The following EPM2A variants were observed in gnomAD, a reference collection of about 807,000 sequenced individuals.
EPM2A encodes EPM2A glucan phosphatase, laforin.
In EPM2A, 21 loss-of-function variants were observed where a neutral mutation model predicts 26.5. The ratio of observed to expected loss-of-function variants is 0.79; its 90% CI spans 0.56 to 1.14. The LOEUF is 1.14. Among genes scored for constraint, EPM2A ranks in the 50% most tolerant of loss-of-function variants. The pLI, the probability that EPM2A is intolerant of heterozygous loss-of-function variation, is 0.00. For synonymous variants in EPM2A, 217 were observed against 177.6 expected (o/e 1.22, Z -1.76); for missense variants, 458 against 440.8 (o/e 1.04, Z -0.35).
chr6:145,447,823 C>G (rs1779145720), intron 4 of EPM2A, among the ~76,000 whole-genome samples: 1 of 151,898 alleles, frequency 6.6e-6, no homozygotes, highest in African/African-American at 2.4e-5. Flanking sequence ...AATAATTATT[C>G]AATGAATATA....
intron 2 of EPM2A, among the ~76,000 whole-genome samples, chr6:145,644,909 T>C (rs1777349901): frequency 6.6e-6 from 1 of 152,202 alleles, no homozygotes; most frequent in African/African-American, 2.4e-5. Context: ...CAGTAATACT[T>C]GATCTATTTA....
intron 1 of EPM2A, among the ~76,000 whole-genome samples, chr6:145,723,830 C>A (rs758594481): frequency 2.0e-5 from 3 of 152,016 alleles, no homozygotes; most frequent in Non-Finnish European, 4.4e-5. Context: ...GCTATGCAGA[C>A]AAAGAAGTCC....
intron 4 of EPM2A, among the ~76,000 whole-genome samples, chr6:145,461,514 A>G (rs767660082): frequency 1.1e-4 from 16 of 152,156 alleles, no homozygotes; most frequent in Admixed American, 2.0e-4. Context: ...CATACATAAT[A>G]TCTCTGTAAG....
At chr6:145,635,162 A>T in intron 3 of EPM2A, 83 bp downstream of exon 3, 2 of 1,469,664 alleles carry the variant, frequency 1.4e-6, no homozygotes, top group South Asian at 1.2e-5. Flanking sequence ...TTCATTTTTA[A>T]GATATTAAAT....
chr6:145,393,916 C>G (rs968060758), intron 4 of EPM2A, among the ~76,000 whole-genome samples: 1 of 151,824 alleles, frequency 6.6e-6, no homozygotes, highest in Non-Finnish European at 1.5e-5. Context: ...CTCTGCCTCC[C>G]CAGTTCAAGT....
exon 4 of EPM2A, chr6:145,501,707 A>G: frequency 2.2e-6 from 1 of 457,806 alleles, no homozygotes; most frequent in Non-Finnish European, 4.5e-6. Context: ...ACAACTATTC[A>G]ATGCTTATGA....
At chr6:145,616,820 A>G (rs1775523700) in intron 2 of EPM2A, among the ~76,000 whole-genome samples, 3 of 152,300 alleles carry the variant, frequency 2.0e-5, no homozygotes, top group South Asian at 4.1e-4. Flanking sequence ...GATTTGGCCA[A>G]TGTCTCCTAT....
chr6:145,579,607 C>G (rs888295661), intron 2 of EPM2A, among the ~76,000 whole-genome samples: 3 of 152,024 alleles, frequency 2.0e-5, no homozygotes, highest in African/African-American at 7.2e-5. Context: ...TTAAAAGTGC[C>G]TTTTTTATAG....
intron 2 of EPM2A, among the ~76,000 whole-genome samples, chr6:145,543,532 A>G (rs942807912): frequency 1.3e-5 from 2 of 152,228 alleles, no homozygotes; most frequent in Non-Finnish European, 2.9e-5. Context: ...AGAAAAAAAA[A>G]TAAAGTTTAC....
chr6:145,502,423 T>C (rs1183509776), intron 3 of EPM2A: 1 of 446,284 alleles, frequency 2.2e-6, no homozygotes, highest in African/African-American at 2.0e-5. Flanking sequence ...CAGTGTCCTC[T>C]GAATGACTGC....
intron 2 of EPM2A, among the ~76,000 whole-genome samples, chr6:145,544,317 T>C (rs1381604019): frequency 6.6e-6 from 1 of 152,162 alleles, no homozygotes. Context: ...TTTGTGAATT[T>C]TTTGCAGTTT....
intron 2 of EPM2A, among the ~76,000 whole-genome samples, chr6:145,508,010 A>G (rs1039321338): frequency 6.6e-6 from 1 of 152,146 alleles, no homozygotes; most frequent in Non-Finnish European, 1.5e-5. Context: ...CCCCAGTACT[A>G]AGTGGCCCTA....
At chr6:145,385,620 T>C (rs1436786776) in intron 4 of EPM2A, among the ~76,000 whole-genome samples, 2 of 152,100 alleles carry the variant, frequency 1.3e-5, no homozygotes, top group South Asian at 4.1e-4. Context: ...TTAAACTTTT[T>C]TTCCAGGCAA....
chr6:145,545,419 A>G (rs1780570833), intron 2 of EPM2A, among the ~76,000 whole-genome samples: 1 of 152,174 alleles, frequency 6.6e-6, no homozygotes, highest in African/African-American at 2.4e-5. Flanking sequence ...TGGCCAAGCA[A>G]GTCACATGGC....
chr6:145,472,154 C>G (rs1028017057), intron 4 of EPM2A, among the ~76,000 whole-genome samples: 4 of 151,586 alleles, frequency 2.6e-5, no homozygotes, highest in African/African-American at 9.7e-5. Context: ...TCTAGACATA[C>G]CTTGGGCCAG....
chr6:145,452,489 C>CAAAAAAAAAAAAAAAAAAAAAAAAA (rs563777945), intron 4 of EPM2A, among the ~76,000 whole-genome samples: 2 of 75,862 alleles, frequency 2.6e-5, no homozygotes, highest in African/African-American at 1.2e-4. Flanking sequence ...ACTAAAAATA[C>CAAAAAAAAAAAAAAAAAAAAAAAAA]AAAAAAAAAA....
At chr6:145,473,013 A>G (rs1779496011) in intron 4 of EPM2A, among the ~76,000 whole-genome samples, 1 of 152,112 alleles carries the variant, frequency 6.6e-6, no homozygotes, top group Admixed American at 6.6e-5. Context: ...AGTAGCATCA[A>G]CACTATCCAG....
chr6:145,460,708 T>C (rs544182469), intron 4 of EPM2A, among the ~76,000 whole-genome samples: 1 of 152,240 alleles, frequency 6.6e-6, no homozygotes, highest in East Asian at 1.9e-4. Flanking sequence ...TGCGTTAGAC[T>C]CTAGACCACT....
chr6:145,563,662 C>T (rs908946325), intron 2 of EPM2A, among the ~76,000 whole-genome samples: 6 of 152,106 alleles, frequency 3.9e-5, no homozygotes, highest in Non-Finnish European at 7.4e-5. Flanking sequence ...ATGTCTCTAA[C>T]ATTATTTTAT....
Sources: allele counts gnomAD v4.1 joint callset (sites outside exome capture counted in the v4.1 genomes callset), GRCh38; gene constraint gnomAD v4.1.1; transcripts MANE v1.5; gene names NCBI Gene and HGNC (gene_info 2026-07-23, HGNC 2026-07-21).